The following PEMT variants were observed in gnomAD, a reference collection of about 807,000 sequenced individuals.
PEMT encodes the protein phosphatidylethanolamine N-methyltransferase.
In PEMT, 23 loss-of-function variants were observed where a neutral mutation model predicts 27.4. The observed-to-expected ratio is 0.84, with a 90% confidence interval of 0.60 to 1.19. The LOEUF (loss-of-function observed/expected upper bound fraction) is 1.19, where lower values mean the gene tolerates loss of function less well. Ranked by LOEUF, PEMT falls within the 50% of genes most tolerant of loss-of-function variation. The probability of loss-of-function intolerance (pLI) is 0.00; values close to 1 mark genes in which losing one functional copy is unlikely to be tolerated. For synonymous variants in PEMT, 137 were observed against 139.1 expected (o/e 0.98, Z 0.11); for missense variants, 307 against 310.1 (o/e 0.99, Z 0.07).
In PEMT at chr17:17,591,633, G is replaced by T; in HGVS notation, c.-7C>A. On this transcript the variant is annotated 5_prime_UTR_variant, in exon 1 of 7. Transcript: ENST00000255389. ...GGTTCCCAGATCTCTTCATCCGGGG[G>T]CCGCCTCAGGAGGCACCACGCGGGC... 5 of 1,609,452 alleles carry T rather than the reference G, an allele frequency of 3.1e-6. No homozygotes were observed. The highest frequency in any genetic ancestry group is 3.4e-6 in the Non-Finnish European group (4 of 1,178,182).
intron 3 of PEMT, 149 bp downstream of exon 3, chr17:17,522,131 G>C: frequency 1.6e-6 from 1 of 636,484 alleles, no homozygotes; most frequent in Admixed American, 2.4e-5. Flanking sequence ...GGGAGGGGTA[G>C]GGTGGCTTGC....
chr17:17,516,059 G>A (rs958177093), intron 3 of PEMT, among the ~76,000 whole-genome samples: 8 of 152,092 alleles, frequency 5.3e-5, no homozygotes, highest in African/African-American at 9.7e-5. Flanking sequence ...GGCCTGTCCC[G>A]TTTCTATCTG....
upstream of PEMT, chr17:17,591,742 A>G (rs1567765474): frequency 3.4e-6 from 5 of 1,465,958 alleles, no homozygotes; most frequent in African/African-American, 1.4e-5. Flanking sequence ...GGTGACCCCC[A>G]ACATATTCCG....
At chr17:17,516,931 T>G (rs1415719356) in intron 3 of PEMT, among the ~76,000 whole-genome samples, 1 of 152,138 alleles carries the variant, frequency 6.6e-6, no homozygotes, top group African/African-American at 2.4e-5. Flanking sequence ...GTGAAGGGAT[T>G]TCACAAATAG....
chr17:17,564,895 T>G (rs930521364), intron 2 of PEMT, among the ~76,000 whole-genome samples: 5 of 152,164 alleles, frequency 3.3e-5, no homozygotes, highest in Non-Finnish European at 5.9e-5. Flanking sequence ...ACCCCTGCAC[T>G]GCACACACCG....
At position 17,577,479 on chromosome 17, in the gene PEMT, G is replaced by A. The variant is rs955955668; in HGVS notation, c.97-452C>T. The A allele has an allele frequency of 3.9e-6, 4 of 1,028,260 alleles. No homozygotes were observed. In the African/African-American group the frequency reaches 6.7e-5, roughly 17 times the overall value. 63.7% of individuals were successfully genotyped at this position (1,028,260 alleles called of 1,614,324 possible). On this transcript the variant is annotated intron_variant, in intron 1 of 6. Coordinates refer to ENST00000255389, the MANE Select transcript of PEMT (RefSeq NM_148172.3). Reference sequence around the variant, plus strand: ...CCTCTCCTCGCCCACACTCGACAGGGGACAATCTTGAGTGCACACGAGGGT... The same window carrying A: ...CCTCTCCTCGCCCACACTCGACAGGAGACAATCTTGAGTGCACACGAGGGT...
chr17:17,538,252 G>A (rs766029320), intron 2 of PEMT, among the ~76,000 whole-genome samples: 48 of 152,240 alleles, frequency 3.2e-4, no homozygotes, highest in Non-Finnish European at 5.6e-4. Context: ...CTCCAAAGAC[G>A]ATGGCCACCA....
intron 2 of PEMT, among the ~76,000 whole-genome samples, chr17:17,563,742 C>T (rs1597940380): frequency 6.6e-6 from 1 of 152,192 alleles, no homozygotes; most frequent in Non-Finnish European, 1.5e-5. Context: ...GGAAGGGACG[C>T]TATGCTCATC....
At chr17:17,590,463 T>G (rs530101928) in intron 1 of PEMT, among the ~76,000 whole-genome samples, 8 of 152,312 alleles carry the variant, frequency 5.3e-5, no homozygotes, top group Admixed American at 2.0e-4. Context: ...AATCCCGCCT[T>G]CCCATCAGCT....
In PEMT at chr17:17,506,232, G is replaced by C; in HGVS notation, c.648C>G (p.Tyr216Ter). Residue 216 changes from tyrosine to a stop codon, truncating the protein, a stop_gained, in exon 6 of 7, where the codon TAC becomes TAG. Coordinates refer to ENST00000255389, the MANE Select transcript of PEMT (RefSeq NM_148172.3). LOFTEE classifies it high-confidence loss of function. ...CCGCCGCAGCCCCTACTCACTCTTC[G>C]TATAGGAGAGCCACTATGTAGGTGA... Reference protein sequence around the residue: ...VALTYIVALLYEEPFTAEIYR... With the variant: ...VALTYIVALL 1 of 1,572,014 alleles carries C rather than the reference G, an allele frequency of 6.4e-7. No individual in the cohort carries two copies. The highest frequency in any genetic ancestry group is 8.6e-7 in the Non-Finnish European group (1 of 1,157,122).
At chr17:17,543,634 C>T (rs925300214) in intron 2 of PEMT, among the ~76,000 whole-genome samples, 1 of 152,146 alleles carries the variant, frequency 6.6e-6, no homozygotes, top group African/African-American at 2.4e-5. Context: ...ACGATCTCGG[C>T]TCACTGCAAA....
chr17:17,554,414 G>A (rs149099615), intron 2 of PEMT, among the ~76,000 whole-genome samples: 6 of 152,228 alleles, frequency 3.9e-5, no homozygotes, highest in African/African-American at 9.6e-5. Context: ...CTCCGTGCAC[G>A]GCAAGCAGTA....
chr17:17,548,579 G>A (rs1324083030), intron 2 of PEMT, among the ~76,000 whole-genome samples: 1 of 151,946 alleles, frequency 6.6e-6, no homozygotes, highest in Non-Finnish European at 1.5e-5. Flanking sequence ...ACGCAGTTTC[G>A]CTCTTGTTGC....
At chr17:17,520,856 G>A (rs1044816691) in intron 3 of PEMT, among the ~76,000 whole-genome samples, 1 of 152,264 alleles carries the variant, frequency 6.6e-6, no homozygotes, top group African/African-American at 2.4e-5. Context: ...TGACCACGCT[G>A]CTCACCCACA....
intron 1 of PEMT, among the ~76,000 whole-genome samples, chr17:17,586,280 G>GAAAGAA (rs1912297866): frequency 1.1e-5 from 1 of 92,356 alleles, no homozygotes; most frequent in Admixed American, 1.1e-4. Flanking sequence ...AAGAAAGAAA[G>GAAAGAA]AAAGAAAGAA....
intron 2 of PEMT, chr17:17,570,459 G>A: frequency 1.1e-6 from 1 of 948,950 alleles, no homozygotes; most frequent in Non-Finnish European, 1.3e-6. Flanking sequence ...CAGAGGCCGG[G>A]GACATTGCTG....
chr17:17,549,053 T>C (rs1213488897), intron 2 of PEMT, among the ~76,000 whole-genome samples: 1 of 152,078 alleles, frequency 6.6e-6, no homozygotes, highest in Non-Finnish European at 1.5e-5. Context: ...GTAACCCAGA[T>C]TGGAGTACAG....
chr17:17,579,091 G>A (rs767381068), intron 1 of PEMT, among the ~76,000 whole-genome samples: 44 of 152,220 alleles, frequency 2.9e-4, no homozygotes, highest in Admixed American at 6.5e-4. Flanking sequence ...TGGGGAAGCG[G>A]TGGGGAGGAG....
chr17:17,531,853 A>T (rs1056539900), intron 2 of PEMT, among the ~76,000 whole-genome samples: 1 of 152,160 alleles, frequency 6.6e-6, no homozygotes, highest in Non-Finnish European at 1.5e-5. Flanking sequence ...AGCATGATTC[A>T]TAAAAGAAAA....
Sources: gnomAD v4.1 joint callset for allele counts (sites outside exome capture counted in the v4.1 genomes callset) on GRCh38, gnomAD v4.1.1 for gene constraint, MANE v1.5 for transcripts, NCBI Gene and HGNC (gene_info 2026-07-23, HGNC 2026-07-21) for gene names.